Variants in UBE2W observed in about 807,000 individuals in gnomAD.
UBE2W encodes ubiquitin-conjugating enzyme E2 W.
UBE2W carries 18 observed loss-of-function variants against 27.2 expected under a neutral mutation model. That is an observed-to-expected ratio of 0.66 (90% CI 0.46 to 0.98). The LOEUF is 0.98. UBE2W is among the 50% of genes least tolerant of loss of function. The pLI is 0.00. For missense variants in UBE2W, 90 were observed against 180.2 expected (o/e 0.50, Z 2.87); for synonymous variants, 53 against 57.2 (o/e 0.93, Z 0.33).
intron 1 of UBE2W, among the ~76,000 whole-genome samples, chr8:73,870,945 T>C (rs1244842546): frequency 6.6e-6 from 1 of 150,388 alleles, no homozygotes; most frequent in Non-Finnish European, 1.5e-5. Flanking sequence ...TACAGAGACA[T>C]GAGTACCTGG....
At position 73,789,822 on chromosome 8, in the gene UBE2W, G is replaced by A. The variant is rs953669431; in HGVS notation, c.*4280C>T. The A allele has an allele frequency of 3.7e-5, 30 of 806,106 alleles. No individual in the cohort carries two copies. In the African/African-American group the frequency reaches 5.2e-4, roughly 14 times the overall value. The allele number at this position is 806,106 out of a possible 1,614,324, so 49.9% of individuals were successfully genotyped here. A position where few individuals can be genotyped will look rare whatever the true frequency, so the allele number is the denominator to read the frequency against. On this transcript the variant is annotated 3_prime_UTR_variant, in exon 6 of 6. Coordinates refer to ENST00000602593, the MANE Select transcript of UBE2W (RefSeq NM_018299.6). Reference sequence around the variant, plus strand: ...ACTGCACTAAAGCCCGGGTGACAGAGCAAGACTCCGTCTCAAAAATAAATA... The same window carrying A: ...ACTGCACTAAAGCCCGGGTGACAGAACAAGACTCCGTCTCAAAAATAAATA...
rs935333172 is a variant in UBE2W at position 73,866,287 on chromosome 8, AAAAATATATATATATATAT to A, written c.15+12502_15+12520del. On this transcript the variant is annotated intron_variant, in intron 1 of 5. Transcript: ENST00000602593. ...TTGGTCTAAAAAAAAAAAAAAAAAAAAAAATATATATATATATATATATATATATATACTCAGCAATATT... is the reference window on the plus strand; with the variant it reads ...TTGGTCTAAAAAAAAAAAAAAAAAAAATATATATATATACTCAGCAATATT... 2.4e-4 allele frequency among the ~76,000 whole-genome samples: 25 copies of A among 103,976 alleles called. No homozygotes were observed. The South Asian group carries it at 5.1e-3, about 21-fold the overall frequency. 68.2% of individuals were successfully genotyped at this position (103,976 alleles called of 152,430 possible).
intron 1 of UBE2W, among the ~76,000 whole-genome samples, chr8:73,841,586 T>C (rs1810537325): frequency 6.6e-6 from 1 of 151,754 alleles, no homozygotes; most frequent in South Asian, 2.1e-4. Flanking sequence ...AAAAGAAGAG[T>C]GGTAAGAGGA....
At chr8:73,863,970 AAGTATGATCTAC>A (rs1811636461) in intron 1 of UBE2W, among the ~76,000 whole-genome samples, 1 of 152,180 alleles carries the variant, frequency 6.6e-6, no homozygotes, top group Non-Finnish European at 1.5e-5. Context: ...AAAAGGAGGA[AAGTATGATCTAC>A]AGTAGAAAAT....
At chr8:73,832,732 T>C (rs1387614674) in intron 1 of UBE2W, among the ~76,000 whole-genome samples, 2 of 152,228 alleles carry the variant, frequency 1.3e-5, no homozygotes, top group African/African-American at 4.8e-5. Context: ...AATGCTCCAA[T>C]GAACATTACC....
At position 73,792,048 on chromosome 8, in the gene UBE2W, A is replaced by C; in HGVS notation, c.*2054T>G. ...GTAAGAGAACCAGCAATATGGAGAC[A>C]GATTTCTCCCTAACCCCCAGAAGAA... On this transcript the variant is annotated 3_prime_UTR_variant, in exon 6 of 6. Coordinates refer to ENST00000602593, the MANE Select transcript of UBE2W (RefSeq NM_018299.6). 1 of 985,310 alleles carries C rather than the reference A, an allele frequency of 1.0e-6. No homozygotes were observed. Among genetic ancestry groups the C allele is most frequent in the South Asian group, 4.7e-5 (1 of 21,280 alleles). 61.0% of individuals were successfully genotyped at this position (985,310 alleles called of 1,614,324 possible). A position where few individuals can be genotyped will look rare whatever the true frequency, so the allele number is the denominator to read the frequency against.
rs575556582 is a variant in UBE2W, at chr8:73,871,788, G to C, written c.15+7020C>G. On this transcript the variant is annotated intron_variant, in intron 1 of 5. Transcript: ENST00000602593. ...AATACTAAGGAGAACTATATTTTCA[G>C]AGAGATGCCAGATCATCCCTTTATT... is the stretch of plus-strand genomic sequence containing the variant. 3.3e-5 allele frequency among the ~76,000 whole-genome samples: 5 copies of C among 152,300 alleles called. No individual in the cohort carries two copies. In the East Asian group the frequency reaches 9.6e-4, roughly 29 times the overall value.
chr8:73,841,728 C>T (rs1289845352), intron 1 of UBE2W, among the ~76,000 whole-genome samples: 1 of 152,146 alleles, frequency 6.6e-6, no homozygotes, highest in South Asian at 2.1e-4. Context: ...ACAAAGTGAA[C>T]GCAGGAACTC....
At chr8:73,781,646 A>G (rs919369585), downstream of UBE2W, among the ~76,000 whole-genome samples, 5 of 149,496 alleles carry the variant, frequency 3.3e-5, no homozygotes, top group African/African-American at 1.2e-4. Context: ...TTATTTTTAA[A>G]CAGTGTCTCG....
At chr8:73,859,028 T>C (rs1811432095) in intron 1 of UBE2W, among the ~76,000 whole-genome samples, 1 of 151,290 alleles carries the variant, frequency 6.6e-6, no homozygotes, top group Non-Finnish European at 1.5e-5. Context: ...GGTGGTTTTT[T>C]TGCTTTCTTT....
At chr8:73,878,314 A>T (rs915893834) in intron 1 of UBE2W, among the ~76,000 whole-genome samples, 5 of 152,248 alleles carry the variant, frequency 3.3e-5, no homozygotes, top group South Asian at 2.1e-4. Flanking sequence ...GCCGGAGCAG[A>T]GGCCGCTAAG....
chr8:73,852,518 A>G (rs552542199), intron 1 of UBE2W, among the ~76,000 whole-genome samples: 1 of 143,128 alleles, frequency 7.0e-6, no homozygotes, highest in Non-Finnish European at 1.5e-5. Flanking sequence ...GAAAAGCAGT[A>G]ATTAGCACTA....
At chr8:73,848,165 C>T (rs758161209) in intron 1 of UBE2W, among the ~76,000 whole-genome samples, 15 of 151,926 alleles carry the variant, frequency 9.9e-5, no homozygotes, top group Non-Finnish European at 1.6e-4. Context: ...CGTGCCATTG[C>T]GCTCCAGCCT....
At chr8:73,816,761 G>A (rs529105776) in intron 3 of UBE2W, among the ~76,000 whole-genome samples, 25 of 152,316 alleles carry the variant, frequency 1.6e-4, no homozygotes, top group Non-Finnish European at 2.8e-4. Context: ...GGCCGGGCAC[G>A]GAGGCTCAAG....
chr8:73,862,593 A>C (rs1167106559), intron 1 of UBE2W, among the ~76,000 whole-genome samples: 2 of 142,592 alleles, frequency 1.4e-5, no homozygotes, highest in Non-Finnish European at 3.0e-5. Flanking sequence ...TAATTAAACT[A>C]AAGAGCTTCT....
At chr8:73,848,008 C>T (rs58103506) in intron 1 of UBE2W, among the ~76,000 whole-genome samples, 4,738 of 151,768 alleles carry the variant, frequency 0.031, 229 homozygotes, top group African/African-American at 0.1. Flanking sequence ...TTGAGACCAG[C>T]CTGACCAATA....
At chr8:73,852,990 T>C (rs1034780293) in intron 1 of UBE2W, among the ~76,000 whole-genome samples, 2 of 152,234 alleles carry the variant, frequency 1.3e-5, no homozygotes, top group African/African-American at 4.8e-5. Flanking sequence ...AAAATTCATA[T>C]GCTGAAATCT....
chr8:73,812,299 G>A (rs1386507346), intron 3 of UBE2W, among the ~76,000 whole-genome samples: 1 of 150,722 alleles, frequency 6.6e-6, no homozygotes, highest in Non-Finnish European at 1.5e-5. Context: ...CTACCTAATT[G>A]CAGAAGACTC....
chr8:73,817,805 G>A (rs562028095), intron 3 of UBE2W, among the ~76,000 whole-genome samples: 36 of 152,294 alleles, frequency 2.4e-4, no homozygotes, highest in East Asian at 5.8e-4. Flanking sequence ...GAGCCACCAC[G>A]CCCAGTTGTG....
Sources: gnomAD v4.1 joint callset for allele counts (sites outside exome capture counted in the v4.1 genomes callset) on GRCh38, gnomAD v4.1.1 for gene constraint, MANE v1.5 for transcripts, NCBI Gene and HGNC (gene_info 2026-07-23, HGNC 2026-07-21) for gene names.